Variants in TTN observed in about 807,000 individuals in gnomAD.
The protein encoded by TTN is titin.
In TTN, 1,525 loss-of-function variants were observed where a neutral mutation model predicts 3,223.0. The observed-to-expected ratio is 0.47, with a 90% CI of 0.45 to 0.49. The LOEUF is 0.49. Among genes scored for constraint, TTN ranks in the 20% least tolerant of loss-of-function variants. The pLI, the probability that TTN is intolerant of heterozygous loss-of-function variation, is 0.00. For missense variants in TTN, 40,786 were observed against 43,424.0 expected, an observed-to-expected ratio of 0.94 and a Z score of 5.40; for synonymous variants, 14,094 against 15,161.0, an observed-to-expected ratio of 0.93 and a Z score of 5.17.
At chr2:178,719,475 C>A in intron 82 of TTN, 24 bp from the exon 83 acceptor site, 1 of 1,597,404 alleles carries the variant, frequency 6.3e-7, no homozygotes, top group South Asian at 1.1e-5. Flanking sequence ...GGTAGTTTTG[C>A]GTTTAAAGAG....
rs748129542 is a variant in TTN, at chr2:178,527,005, G to A, written c.*7C>T. 4.4e-6 allele frequency: 7 copies of A among 1,604,634 alleles called. No individual in the cohort carries two copies. In the South Asian group the frequency reaches 7.8e-5, roughly 18 times the overall value. On this transcript the variant is annotated 3_prime_UTR_variant, in exon 363 of 363. Transcript: ENST00000589042. ...AATGAGTGTAGAGTATAAGGGCACA[G>A]GCCCTCTTAAATGGATCGAATATGT...
Position 178,683,906 on chromosome 2 carries a change from C to CT in TTN, c.32806+92dup, listed in dbSNP as rs577865235. ...TTATATTGCTTACTTTATACTATGT[C>CT]TTTTTTTTTCTAATGGAACCTATTC... is the stretch of plus-strand genomic sequence containing the variant. On this transcript the variant is annotated intron_variant, in intron 133 of 362. Transcript: ENST00000589042. 3,143 of 888,844 alleles carry CT rather than the reference C, an allele frequency of 3.5e-3. 13 individuals are homozygous for CT. Among genetic ancestry groups the CT allele is most frequent in the South Asian group, 0.016 (617 of 39,540 alleles). The allele number at this position is 888,844 out of a possible 1,614,324, so 55.1% of individuals were successfully genotyped here. A position where few individuals can be genotyped will look rare whatever the true frequency, so the allele number is the denominator to read the frequency against.
Position 178,570,750 on chromosome 2 carries a change from A to T in TTN, c.75382T>A (p.Ser25128Thr). ...KDTIVVHAGESFKVDADIYGK... is the reference protein window; with the variant it reads ...KDTIVVHAGETFKVDADIYGK... ...TAAATATCTGCATCAACCTTGAATG[A>T]TTCACCAGCATGAACCACGATTGTG... is the stretch of plus-strand genomic sequence containing the variant. Residue 25128 changes from serine to threonine, a missense_variant, in exon 326 of 363, where the codon TCA (serine) becomes ACA (threonine). Physicochemically the swap from Ser to Thr is moderately conservative, Grantham distance 58 (BLOSUM62 1). Coordinates refer to ENST00000589042, the MANE Select transcript of TTN (RefSeq NM_001267550.2). The T allele has an allele frequency of 6.2e-7, 1 of 1,613,528 alleles. No homozygotes were observed. The highest frequency in any genetic ancestry group is 8.5e-7 in the Non-Finnish European group (1 of 1,179,612).
rs1345868585 is a variant in TTN, at chr2:178,553,528, T to A, written c.89477A>T (p.Glu29826Val). 6.2e-7 allele frequency: 1 copy of A among 1,613,286 alleles called. No homozygotes were observed. Among genetic ancestry groups the A allele is most frequent in the Admixed American group, 1.7e-5 (1 of 59,974 alleles). Residue 29826 changes from glutamate (E) to valine (V), a missense_variant, in exon 334 of 363, where the codon GAA (glutamate) becomes GTA (valine). Physicochemically the swap from Glu to Val is moderately radical, Grantham distance 121 (BLOSUM62 -2). Coordinates refer to ENST00000589042, the MANE Select transcript of TTN (RefSeq NM_001267550.2). ...AGQGEPIEMNEPVQAKDILEA... is the reference protein window; with the variant it reads ...AGQGEPIEMNVPVQAKDILEA... ...AAGTATATCTTTAGCTTGTACAGGTTCATTCATTTCTATAGGTTCTCCTTG... is the reference window on the plus strand; with the variant it reads ...AAGTATATCTTTAGCTTGTACAGGTACATTCATTTCTATAGGTTCTCCTTG...
In TTN at chr2:178,756,568, T is replaced by G. The variant is rs755522533; in HGVS notation, c.10908A>C (p.Ala3636=). ...TGCTTTCTGCAATTTGTGAAAGGGA[T>G]GCAGTATGGCACAACTGTGTATCTT... is the stretch of plus-strand genomic sequence containing the variant. ...SVQDTQLCHT[A]SLSQIAESTE... Residue 3636 remains alanine, a synonymous_variant, in exon 46 of 363, where the codon GCA becomes GCC. Transcript: ENST00000589042. The G allele has an allele frequency of 6.2e-7, 1 of 1,611,806 alleles. No homozygotes were observed. Among genetic ancestry groups the G allele is most frequent in the South Asian group, 1.1e-5 (1 of 90,894 alleles).
At position 178,679,614 on chromosome 2, in the gene TTN, C is replaced by T; in HGVS notation, c.33649G>A (p.Ala11217Thr). 6.2e-7 allele frequency: 1 copy of T among 1,611,054 alleles called. No homozygotes were observed. Among genetic ancestry groups the T allele is most frequent in the Non-Finnish European group, 8.5e-7 (1 of 1,178,920 alleles). ...GGTGGTGTACCTTTTGCCGGTGGAGCTTCCTTCTTCTTGGGAACAGGAACA... is the reference window on the plus strand; with the variant it reads ...GGTGGTGTACCTTTTGCCGGTGGAGTTTCCTTCTTCTTGGGAACAGGAACA... ...KPVPVPKKKE[A>T]PPAKVPEVPK... The change falls in exon 141 of 363, where the codon GCT (alanine) becomes ACT (threonine). Residue 11217 changes from alanine (A) to threonine (T), a missense_variant. Ala to Thr is a moderately conservative substitution (Grantham distance 58). Coordinates refer to ENST00000589042, the MANE Select transcript of TTN (RefSeq NM_001267550.2).
intron 107 of TTN, 86 bp downstream of exon 107, chr2:178,702,366 TGA>T (rs1273929263): frequency 6.2e-7 from 1 of 1,602,624 alleles, no homozygotes; most frequent in East Asian, 2.2e-5. Flanking sequence ...CTAGATAGAA[TGA>T]GAGCATGAGC....
chr2:178,680,092 A>G (rs1190536599), intron 139 of TTN, 37 bp from the exon 140 acceptor site: 1 of 1,605,860 alleles, frequency 6.2e-7, no homozygotes, highest in Non-Finnish European at 8.5e-7. Flanking sequence ...ACATTTGCCA[A>G]TGACTCAACA....
chr2:178,699,723 ATTTTTTT>A lies in TTN; in HGVS notation c.30683-816_30683-810del, dbSNP rs58607203. Among the ~76,000 whole-genome samples the A allele has an allele frequency of 9.4e-3, 544 of 58,170 alleles. 2 individuals carry two copies. Among genetic ancestry groups the A allele is most frequent in the Middle Eastern group, 0.053 (2 of 38 alleles). The allele number at this position is 58,170 out of a possible 152,430, so 38.2% of individuals were successfully genotyped here. On this transcript the variant is annotated intron_variant, in intron 111 of 362. Transcript: ENST00000589042. ...ACCGCGCCCAGCCCACTCTTTTTTA[ATTTTTTT>A]TTTTTTTTTTTTTTGAGACGGAGTC...
chr2:178,644,749 T>G, intron 217 of TTN, 133 bp from the exon 218 acceptor site: 1 of 615,036 alleles, frequency 1.6e-6, no homozygotes, highest in South Asian at 2.4e-5. Flanking sequence ...AGAACAGCCT[T>G]CAAAGAACAT....
chr2:178,633,850 CCTT>C lies in TTN; in HGVS notation c.42646_42648del (p.Lys14216del). The C allele has an allele frequency of 6.2e-7, 1 of 1,613,356 alleles. No individual in the cohort carries two copies. Among genetic ancestry groups the C allele is most frequent in the Non-Finnish European group, 8.5e-7 (1 of 1,179,582 alleles). The stretch of plus-strand genomic sequence containing the variant: ...TTCAGCTGTGCTGTGGAGCTCAGCT[CCTT>C]GACTTGAGCTTTTATCTGAGATATA... On this transcript the variant is annotated inframe_deletion, in exon 231 of 363. Transcript: ENST00000589042.
Position 178,549,725 on chromosome 2 carries a change from G to A in TTN, c.91997C>T (p.Ala30666Val). 1 of 1,613,740 alleles carries A rather than the reference G, an allele frequency of 6.2e-7. No homozygotes were observed. The highest frequency in any genetic ancestry group is 8.5e-7 in the Non-Finnish European group (1 of 1,179,752). Residue 30666 changes from alanine to valine, a missense_variant, in exon 338 of 363, where the codon GCC becomes GTC. Coordinates refer to ENST00000589042, the MANE Select transcript of TTN (RefSeq NM_001267550.2). The stretch of plus-strand genomic sequence containing the variant: ...ACATTTATCCTCAATTAGTGCCCAG[G>A]CAAGTCTGCTGGTTTCCCGTTTTTC... ...IIEKRETSRL[A>V]WALIEDKCEA...
chr2:178,535,499 C>G lies in TTN; in HGVS notation c.101116G>C (p.Val33706Leu). ...GCTGGCTCAGTCCATGTTAAGTTGA[C>G]AGAATCTCGTGAGACATCACTAACT... Reference protein sequence around the residue: ...VKVSDVSRDSVNLTWTEPASD... With the variant: ...VKVSDVSRDSLNLTWTEPASD... Residue 33706 changes from valine to leucine, a missense_variant, in exon 358 of 363, where the codon GTC (valine) becomes CTC (leucine). Val to Leu is a conservative substitution (Grantham distance 32, BLOSUM62 1). Transcript: ENST00000589042. The G allele has an allele frequency of 6.2e-7, 1 of 1,613,864 alleles. No homozygotes were observed. Among genetic ancestry groups the G allele is most frequent in the Non-Finnish European group, 8.5e-7 (1 of 1,179,828 alleles).
chr2:178,774,102 T>TG lies in TTN; in HGVS notation c.7065dup (p.Ile2356HisfsTer8), dbSNP rs1561261856. On this transcript the variant is annotated frameshift_variant, in exon 31 of 363. Transcript: ENST00000589042. LOFTEE classifies it high-confidence loss of function. Reference sequence around the variant, plus strand: ...TCACTAAGTCCTTGTAGGATAGCAATGGGGCGGGCTGTGAAATATGGGGAG... The same window carrying TG: ...TCACTAAGTCCTTGTAGGATAGCAATGGGGGCGGGCTGTGAAATATGGGGAG... 3 of 1,614,094 alleles carry TG rather than the reference T, an allele frequency of 1.9e-6. No homozygotes were observed.
Position 178,554,986 on chromosome 2 carries a change from A to G in TTN, c.88473T>C (p.Asn29491=), listed in dbSNP as rs2154153410. Residue 29491 remains asparagine, a synonymous_variant, in exon 331 of 363, where the codon AAT becomes AAC. Coordinates refer to ENST00000589042, the MANE Select transcript of TTN (RefSeq NM_001267550.2). ...LQTNALVCVE[N]TTDLASILIK... is the part of the protein sequence containing the mutation. ...TGAGTATAGATGCGAGGTCCGTGGT[A>G]TTTTCAACACACACCAGTGCATTGG... is the stretch of plus-strand genomic sequence containing the variant. The G allele has an allele frequency of 1.9e-6, 3 of 1,613,672 alleles. No individual in the cohort carries two copies. Among genetic ancestry groups the G allele is most frequent in the South Asian group, 2.2e-5 (2 of 91,078 alleles).
In TTN at chr2:178,617,509, C is replaced by A. The variant is rs1209254347; in HGVS notation, c.47576G>T (p.Arg15859Ile). 8 of 1,582,210 alleles carry A rather than the reference C, an allele frequency of 5.1e-6. No individual in the cohort carries two copies. The East Asian group carries it at 1.6e-4, about 31-fold the overall frequency. ...PFVKVADPIE[R>I]PSPPVNLTSS... Reference sequence around the variant, plus strand: ...AGTTAGGTTTACAGGAGGACTTGGTCTCTCTGGAATAAAAGAAGGAGTTGG... The same window carrying A: ...AGTTAGGTTTACAGGAGGACTTGGTATCTCTGGAATAAAAGAAGGAGTTGG... The change falls in exon 254 of 363, where the codon AGA becomes ATA. Residue 15859 changes from arginine to isoleucine, a missense_variant. By Grantham distance (97) the Arg-to-Ile change is moderately conservative. Coordinates refer to ENST00000589042, the MANE Select transcript of TTN (RefSeq NM_001267550.2).
Position 178,560,561 on chromosome 2 carries a change from C to A in TTN, c.85571G>T (p.Arg28524Ile). The A allele has an allele frequency of 1.9e-6, 3 of 1,613,218 alleles. No homozygotes were observed. The highest frequency in any genetic ancestry group is 2.5e-6 in the Non-Finnish European group (3 of 1,179,650). Residue 28524 changes from arginine (R) to isoleucine (I), a missense_variant, in exon 326 of 363, where the codon AGA becomes ATA. Physicochemically the swap from Arg to Ile is moderately conservative, Grantham distance 97 (BLOSUM62 -3). Transcript: ENST00000589042. ...ACCATATTTATTAACACCAGTTACTCTAAATATATATTCATTGCCTTTGAG... is the reference window on the plus strand; with the variant it reads ...ACCATATTTATTAACACCAGTTACTATAAATATATATTCATTGCCTTTGAG... ...KLLKGNEYIF[R>I]VTGVNKYGVG...
chr2:178,741,783 C>T lies in TTN; in HGVS notation c.11450G>A (p.Gly3817Asp), dbSNP rs371056587. 2 of 1,613,406 alleles carry T rather than the reference C, an allele frequency of 1.2e-6. No individual in the cohort carries two copies. The highest frequency in any genetic ancestry group is 1.7e-5 in the Admixed American group (1 of 59,940). Residue 3817 changes from glycine to aspartate, a missense_variant, in exon 48 of 363, where the codon GGC (glycine) becomes GAC (aspartate). Coordinates refer to ENST00000589042, the MANE Select transcript of TTN (RefSeq NM_001267550.2). The stretch of plus-strand genomic sequence containing the variant: ...TTCTTTGATGAAAATTGGGCCAGTG[C>T]CTTCCTTTTCGGAATCAAATTTAGT... The part of the protein sequence containing the change: ...YPTKFDSEKE[G>D]TGPIFIKEVS...
Position 178,578,009 on chromosome 2 carries a change from C to A in TTN, c.68506G>T (p.Val22836Phe), listed in dbSNP as rs1422284948. The A allele has an allele frequency of 6.2e-7, 1 of 1,613,056 alleles. No homozygotes were observed. The highest frequency in any genetic ancestry group is 8.5e-7 in the Non-Finnish European group (1 of 1,179,400). ...TTACCAATTGGGTCCAGTGCCACAA[C>A]AGGCTCTGATGGTAGGCTTGGCTTG... ...VGKPSLPSEP[V>F]VALDPIDPPG... The change falls in exon 322 of 363, where the codon GTT becomes TTT. Residue 22836 changes from valine (V) to phenylalanine (F), a missense_variant. Physicochemically the swap from Val to Phe is conservative, Grantham distance 50. Transcript: ENST00000589042.
Sources: gnomAD v4.1 joint callset for allele counts (sites outside exome capture counted in the v4.1 genomes callset) on GRCh38, gnomAD v4.1.1 for gene constraint, MANE v1.5 for transcripts, NCBI Gene and HGNC (gene_info 2026-07-23, HGNC 2026-07-21) for gene names.